BRAT1: variants seen among roughly 807,000 people sequenced by gnomAD.
BRAT1 encodes the protein integrator complex assembly factor BRAT1.
BRAT1 carries 74 observed loss-of-function variants against 70.6 expected under a neutral mutation model. The ratio of observed to expected loss-of-function variants is 1.05; its 90% CI spans 0.87 to 1.27. BRAT1 has a LOEUF of 1.27. Ranked by LOEUF, BRAT1 falls within the 50% of genes most tolerant of loss-of-function variation. BRAT1 has a pLI of 0.00. For missense variants in BRAT1, 1,203 were observed against 1,098.2 expected, an observed-to-expected ratio of 1.10 and a Z score of -1.35; for synonymous variants, 615 against 517.1, an observed-to-expected ratio of 1.19 and a Z score of -2.57.
rs769006340 is a variant in BRAT1, at chr7:2,544,981, G to A, written c.358C>T (p.Arg120Cys). The change falls in exon 4 of 14, where the codon CGC (arginine) becomes TGC (cysteine). Residue 120 changes from arginine (R) to cysteine (C), a missense_variant. Arg to Cys is a radical substitution (Grantham distance 180, BLOSUM62 -3). Transcript: ENST00000340611. Reference protein sequence around the residue: ...GRATWAVPTVRSGWIQGLRSL... With the variant: ...GRATWAVPTVCSGWIQGLRSL... ...CGCAGGCCCTGGATCCAGCCGCTGC[G>A]CACGGTGGGGACGGCCCAGGTTGCT... The A allele has an allele frequency of 1.1e-5, 17 of 1,568,544 alleles. No individual in the cohort carries two copies. The highest frequency in any genetic ancestry group is 1.9e-5 in the Admixed American group (1 of 52,612).
At position 2,541,753 on chromosome 7, in the gene BRAT1, G is replaced by A. The variant is rs139472984; in HGVS notation, c.1099C>T (p.Arg367Cys). ...SKSSCAGLLC[R>C]TLAHLEELQP... ...AGCTCCTCCAGGTGAGCCAGGGTGC[G>A]GCACAGGAGGCCGGCGCAGGACGAC... Residue 367 changes from arginine (R) to cysteine (C), a missense_variant, in exon 8 of 14, where the codon CGC becomes TGC. Physicochemically the swap from Arg to Cys is radical, Grantham distance 180. Coordinates refer to ENST00000340611, the MANE Select transcript of BRAT1 (RefSeq NM_152743.4). 1.6e-5 allele frequency: 25 copies of A among 1,611,460 alleles called. No homozygotes were observed. The highest frequency in any genetic ancestry group is 4.5e-5 in the East Asian group (2 of 44,834).
chr7:2,537,817 T>C lies in BRAT1; in HGVS notation c.*252A>G. The C allele has an allele frequency of 1.9e-6, 1 of 512,872 alleles. No homozygotes were observed. Among genetic ancestry groups the C allele is most frequent in the East Asian group, 3.4e-5 (1 of 29,776 alleles). The allele number at this position is 512,872 out of a possible 1,614,324, so 31.8% of individuals were successfully genotyped here. On this transcript the variant is annotated 3_prime_UTR_variant, in exon 14 of 14. Transcript: ENST00000340611. ...GAATGAATGACACTGGACCCTTGTCTCAGATCATTATTATTAAATTAACTC... is the reference window on the plus strand; with the variant it reads ...GAATGAATGACACTGGACCCTTGTCCCAGATCATTATTATTAAATTAACTC...
intron 4 of BRAT1, chr7:2,544,306 C>T: frequency 5.0e-6 from 1 of 198,870 alleles, no homozygotes; most frequent in South Asian, 1.6e-4. Flanking sequence ...AGGTTCAAGC[C>T]ATTCTGCCAC....
Position 2,541,701 on chromosome 7 carries a change from G to A in BRAT1, c.1134+17C>T. On this transcript the variant is annotated intron_variant, in intron 8 of 13. Coordinates refer to ENST00000340611, the MANE Select transcript of BRAT1 (RefSeq NM_152743.4). The stretch of plus-strand genomic sequence containing the variant: ...CGTGGATGCTGCTGGGCTGCATGAG[G>A]ACCGGGCCGCACCTACCAGCGGCTG... The A allele has an allele frequency of 4.4e-6, 7 of 1,597,398 alleles. No individual in the cohort carries two copies. Among genetic ancestry groups the A allele is most frequent in the East Asian group, 4.5e-5 (2 of 44,366 alleles).
At chr7:2,539,432 G>A in intron 12 of BRAT1, 81 bp from the exon 13 acceptor site, 2 of 1,520,504 alleles carry the variant, frequency 1.3e-6, no homozygotes, top group Non-Finnish European at 1.8e-6. Flanking sequence ...TCCCCTTGTG[G>A]GCAGCCGACA....
intron 2 of BRAT1, among the ~76,000 whole-genome samples, chr7:2,550,107 G>C (rs940228274): frequency 1.3e-5 from 2 of 151,668 alleles, no homozygotes; most frequent in African/African-American, 4.8e-5. Flanking sequence ...AGGCTACAGT[G>C]AGCCGTGATC....
rs766160555 is a variant in BRAT1 at position 2,539,194 on chromosome 7, A to T, written c.1755T>A (p.His585Gln). Reference protein sequence around the residue: ...QGLHAPTSPEHAEARQSLFLE... With the variant: ...QGLHAPTSPEQAEARQSLFLE... ...CACCTCCTACCTGCCGGGCCTCTGC[A>T]TGCTCAGGGCTGGTGGGGGCGTGCA... The change falls in exon 13 of 14, where the codon CAT becomes CAA. Residue 585 changes from histidine (H) to glutamine (Q), a missense_variant. Physicochemically the swap from His to Gln is conservative, Grantham distance 24. Transcript: ENST00000340611. 6.2e-7 allele frequency: 1 copy of T among 1,603,560 alleles called. No individual in the cohort carries two copies.
intron 9 of BRAT1, 120 bp from the exon 10 acceptor site, chr7:2,541,172 G>T (rs2128390446): frequency 1.5e-6 from 2 of 1,377,836 alleles, no homozygotes; most frequent in East Asian, 2.6e-5. Flanking sequence ...CACGGCCCCT[G>T]CACCCCTCAG....
intron 6 of BRAT1, chr7:2,542,772 A>G (rs950317237): frequency 9.4e-5 from 16 of 170,514 alleles, no homozygotes; most frequent in Non-Finnish European, 1.7e-4. Flanking sequence ...GAACACTGGC[A>G]GGCCATCCAC....
At chr7:2,539,923 A>C (rs1205156769) in intron 10 of BRAT1, 35 bp from the exon 11 acceptor site, 2 of 1,418,886 alleles carry the variant, frequency 1.4e-6, no homozygotes, top group Admixed American at 2.6e-5. Context: ...GGGCCACGGG[A>C]GACGGAGGGG....
Position 2,547,810 on chromosome 7 carries a change from G to A in BRAT1, c.128-332C>T, listed in dbSNP as rs945064681. 5.3e-5 allele frequency among the ~76,000 whole-genome samples: 8 copies of A among 152,174 alleles called. No homozygotes were observed. The East Asian group carries it at 5.8e-4, about 11-fold the overall frequency. ...ATTAAAGTGAAAGACCAGGCTGGGC[G>A]TGGTGGCTCACGCCTGTAATCCCAA... On this transcript the variant is annotated intron_variant, in intron 2 of 13. Coordinates refer to ENST00000340611, the MANE Select transcript of BRAT1 (RefSeq NM_152743.4).
At chr7:2,552,821 C>T (rs1166873512) in intron 2 of BRAT1, among the ~76,000 whole-genome samples, 1 of 151,652 alleles carries the variant, frequency 6.6e-6, no homozygotes, top group Non-Finnish European at 1.5e-5. Context: ...TCACTGCAAG[C>T]TCTGCCTCCT....
At position 2,551,986 on chromosome 7, in the gene BRAT1, TAA is replaced by T. The variant is rs200072214; in HGVS notation, c.127+2317_127+2318del. ...GAAAAAAAAATTATAATGAAAAGCA[TAA>T]AATACTCAGAACTAAATTAAAACCA... On this transcript the variant is annotated intron_variant, in intron 2 of 13. Coordinates refer to ENST00000340611, the MANE Select transcript of BRAT1 (RefSeq NM_152743.4). Among the ~76,000 whole-genome samples the T allele has an allele frequency of 8.0e-3, 1,124 of 141,378 alleles. 19 individuals are homozygous for T. The highest frequency in any genetic ancestry group is 0.028 in the African/African-American group (1,068 of 38,716). The allele number at this position is 141,378 out of a possible 152,430, so 92.7% of individuals were successfully genotyped here.
Position 2,538,656 on chromosome 7 carries a change from C to T in BRAT1, c.1879G>A (p.Ala627Thr), listed in dbSNP as rs750400556. The change falls in exon 14 of 14, where the codon GCG becomes ACG. Residue 627 changes from alanine to threonine, a missense_variant. Ala to Thr is a moderately conservative substitution (Grantham distance 58). Coordinates refer to ENST00000340611, the MANE Select transcript of BRAT1 (RefSeq NM_152743.4). ...TEWLRDGHAD[A>T]AQDTEQFVAT... ...ACGAACTGCTCCGTGTCCTGGGCCG[C>T]GTCGGCGTGGCCGTCCCGCAGCCAC... The T allele has an allele frequency of 5.1e-5, 81 of 1,598,218 alleles. No homozygotes were observed. The highest frequency in any genetic ancestry group is 6.4e-5 in the Non-Finnish European group (76 of 1,179,672).
In BRAT1 at chr7:2,538,632, C is replaced by T. The variant is rs373392231; in HGVS notation, c.1903G>A (p.Val635Met). ...CTCGCCGCCTGCAGCACAGTGGCCA[C>T]GAACTGCTCCGTGTCCTGGGCCGCG... Reference protein sequence around the residue: ...ADAAQDTEQFVATVLQAASRD... With the variant: ...ADAAQDTEQFMATVLQAASRD... Residue 635 changes from valine to methionine, a missense_variant, in exon 14 of 14, where the codon GTG (valine) becomes ATG (methionine). Val to Met is a conservative substitution (Grantham distance 21). Transcript: ENST00000340611. 23 of 1,598,406 alleles carry T rather than the reference C, an allele frequency of 1.4e-5. No individual in the cohort carries two copies. The African/African-American group carries it at 2.0e-4, about 14-fold the overall frequency.
intron 2 of BRAT1, among the ~76,000 whole-genome samples, chr7:2,550,705 T>C (rs1413718361): frequency 6.6e-6 from 1 of 151,750 alleles, no homozygotes; most frequent in Non-Finnish European, 1.5e-5. Context: ...GCAGGAGAAA[T>C]GACAGAGGCT....
intron 2 of BRAT1, among the ~76,000 whole-genome samples, chr7:2,549,131 A>G (rs1779819343): frequency 6.6e-6 from 1 of 152,216 alleles, no homozygotes; most frequent in Non-Finnish European, 1.5e-5. Flanking sequence ...TTGCCTGGAT[A>G]GAGAATGGAA....
chr7:2,544,200 G>GGTTTTT (rs1779417134), intron 4 of BRAT1: 1 of 105,714 alleles, frequency 9.5e-6, no homozygotes, highest in Non-Finnish European at 1.7e-5. Flanking sequence ...CCTTCTTGTT[G>GGTTTTT]TTTTTTTTTT....
chr7:2,543,985 G>C lies in BRAT1; in HGVS notation c.431-23C>G, dbSNP rs1322481033. ...CACCTGGGTAGGGGATGGGGGAAGA[G>C]AGGGAAAAGGGGGTGAGCCAGAATA... On this transcript the variant is annotated intron_variant, in intron 4 of 13. Coordinates refer to ENST00000340611, the MANE Select transcript of BRAT1 (RefSeq NM_152743.4). The surrounding 1 kb of genome is among the most constrained non-coding windows in gnomAD (Gnocchi z 5.5). 1.3e-6 allele frequency: 2 copies of C among 1,529,964 alleles called. No individual in the cohort carries two copies. Among genetic ancestry groups the C allele is most frequent in the Admixed American group, 1.9e-5 (1 of 52,650 alleles). The allele number at this position is 1,529,964 out of a possible 1,614,324, so 94.8% of individuals were successfully genotyped here. A position where few individuals can be genotyped will look rare whatever the true frequency, so the allele number is the denominator to read the frequency against.
Sources: gnomAD v4.1 joint callset for allele counts (sites outside exome capture counted in the v4.1 genomes callset) on GRCh38, gnomAD v4.1.1 for gene constraint, Gnocchi (gnomAD v3.1) non-coding constraint, MANE v1.5 for transcripts, NCBI Gene and HGNC (gene_info 2026-07-23, HGNC 2026-07-21) for gene names.